The following WDR72 variants were observed in gnomAD, a reference collection of about 807,000 sequenced individuals.
WDR72 encodes WD repeat domain 72, also known as WD repeat-containing protein 72.
A neutral mutation model predicts 124.2 loss-of-function variants in WDR72; 120 were observed. The ratio of observed to expected loss-of-function variants is 0.97; its 90% CI spans 0.83 to 1.12. The LOEUF is 1.12. Among genes scored for constraint, WDR72 ranks in the 50% most tolerant of loss-of-function variants. The probability of loss-of-function intolerance (pLI) is 0.00; values close to 1 mark genes in which losing one functional copy is unlikely to be tolerated. For synonymous variants in WDR72, 452 were observed against 441.7 expected, an observed-to-expected ratio of 1.02 and a Z score of -0.29; for missense variants, 1,387 against 1,278.8, an observed-to-expected ratio of 1.08 and a Z score of -1.29.
intron 14 of WDR72, 69 bp downstream of exon 14, chr15:53,665,503 T>C (rs1390101148): frequency 1.2e-5 from 19 of 1,552,020 alleles, no homozygotes; most frequent in Non-Finnish European, 1.7e-5. Context: ...GCCATGTATT[T>C]ATGAATGCAT....
At chr15:53,638,694 G>A (rs1335132490) in intron 14 of WDR72, among the ~76,000 whole-genome samples, 1 of 149,034 alleles carries the variant, frequency 6.7e-6, no homozygotes, top group African/African-American at 2.5e-5. Context: ...TATTATTTGT[G>A]CTCTGATACG....
intron 1 of WDR72, among the ~76,000 whole-genome samples, chr15:53,743,909 A>G (rs1193974593): frequency 1.3e-5 from 2 of 151,088 alleles, no homozygotes; most frequent in African/African-American, 4.9e-5. Flanking sequence ...CGGGAGGCGG[A>G]GCTTGCAGTG....
At chr15:53,714,632 A>C in intron 5 of WDR72, 122 bp from the exon 6 acceptor site, 2 of 744,420 alleles carry the variant, frequency 2.7e-6, no homozygotes, top group Non-Finnish European at 4.6e-6. Flanking sequence ...TCAGCTTTGG[A>C]GTTACTTTTT....
At chr15:53,636,486 C>A (rs144308985) in intron 14 of WDR72, among the ~76,000 whole-genome samples, 6 of 152,114 alleles carry the variant, frequency 3.9e-5, no homozygotes, top group Admixed American at 1.3e-4. Context: ...CAGATTCTCC[C>A]AATTAGATCT....
At chr15:53,736,564 A>C (rs550373677) in intron 1 of WDR72, among the ~76,000 whole-genome samples, 1 of 152,314 alleles carries the variant, frequency 6.6e-6, no homozygotes. Context: ...ATCAATTTAC[A>C]AGGATGGTCT....
chr15:53,661,501 C>T (rs2015608092), intron 14 of WDR72, among the ~76,000 whole-genome samples: 1 of 152,136 alleles, frequency 6.6e-6, no homozygotes, highest in South Asian at 2.1e-4. Context: ...AAAGACCTCT[C>T]CTTAGGTCCC....
At position 53,538,431 on chromosome 15, in the gene WDR72, G is replaced by A. The variant is rs1025364465; in HGVS notation, c.3149-15109C>T. ...TGAAAGTCTAATGAAGCTCAGCTCC[G>A]TCAATGGCAAACACATTAGTGGAGG... On this transcript the variant is annotated intron_variant, in intron 18 of 19. Coordinates refer to ENST00000360509, the MANE Select transcript of WDR72 (RefSeq NM_182758.4). 1.1e-4 allele frequency among the ~76,000 whole-genome samples: 16 copies of A among 152,254 alleles called. No homozygotes were observed. In the East Asian group the frequency reaches 2.7e-3, roughly 26 times the overall value.
At chr15:53,684,024 A>G (rs910144872) in intron 13 of WDR72, 1 of 152,184 alleles carries the variant, frequency 6.6e-6, no homozygotes, top group Non-Finnish European at 1.5e-5. Flanking sequence ...ATAATAAAGG[A>G]TATCAATTAA....
In WDR72 at chr15:53,529,173, T is replaced by A. The variant is rs1432344711; in HGVS notation, c.3149-5851A>T. 5.3e-4 allele frequency among the ~76,000 whole-genome samples: 73 copies of A among 138,954 alleles called. 1 individual carries two copies. Among genetic ancestry groups the A allele is most frequent in the African/African-American group, 1.7e-3 (59 of 34,766 alleles). The allele number at this position is 138,954 out of a possible 152,430, so 91.2% of individuals were successfully genotyped here. ...ATATATATATATATATATTTTTTTT[T>A]TTTTTTTTAAAAGAATATAAAAAAT... On this transcript the variant is annotated intron_variant, in intron 18 of 19. Transcript: ENST00000360509.
chr15:53,657,197 C>G (rs2015455785), intron 14 of WDR72, among the ~76,000 whole-genome samples: 3 of 121,548 alleles, frequency 2.5e-5, no homozygotes, highest in Admixed American at 2.3e-4. Flanking sequence ...CTGGGAGGCA[C>G]AGACTGCAGT....
chr15:53,692,473 C>T (rs60142928), intron 13 of WDR72, among the ~76,000 whole-genome samples: 3,909 of 152,192 alleles, frequency 0.026, 188 homozygotes, highest in African/African-American at 0.09. Flanking sequence ...CCCTCGCTGC[C>T]ATTAAGAGAT....
intron 2 of WDR72, among the ~76,000 whole-genome samples, chr15:53,728,468 C>T (rs754183035): frequency 6.6e-5 from 10 of 152,176 alleles, no homozygotes; most frequent in Non-Finnish European, 1.0e-4. Flanking sequence ...GTGTTTAAAT[C>T]CCCATTTCAC....
intron 1 of WDR72, among the ~76,000 whole-genome samples, chr15:53,735,294 A>G (rs2018320814): frequency 6.6e-6 from 1 of 152,158 alleles, no homozygotes; most frequent in Non-Finnish European, 1.5e-5. Flanking sequence ...GGGGGGAAAA[A>G]AAAGACCATG....
At chr15:53,754,896 GA>G (rs1373380871) in intron 1 of WDR72, among the ~76,000 whole-genome samples, 1 of 152,134 alleles carries the variant, frequency 6.6e-6, no homozygotes, top group Non-Finnish European at 1.5e-5. Context: ...TTCATTTTAA[GA>G]ATGATTTTCT....
At chr15:53,591,729 C>CACACACAG (rs983782909) in intron 18 of WDR72, among the ~76,000 whole-genome samples, 2 of 151,032 alleles carry the variant, frequency 1.3e-5, no homozygotes, top group African/African-American at 4.9e-5. Context: ...CACACACACA[C>CACACACAG]ATATATACCT....
chr15:53,557,271 G>A (rs1476244875), intron 18 of WDR72, among the ~76,000 whole-genome samples: 3 of 152,074 alleles, frequency 2.0e-5, no homozygotes, highest in Non-Finnish European at 4.4e-5. Context: ...GAAGGGAGCT[G>A]TGTTGTGTTC....
intron 3 of WDR72, among the ~76,000 whole-genome samples, chr15:53,720,781 G>A (rs1266872290): frequency 1.3e-5 from 2 of 152,100 alleles, no homozygotes; most frequent in Non-Finnish European, 2.9e-5. Context: ...TTTAACATCA[G>A]ATCTCCAGTG....
In WDR72 at chr15:53,515,935, A is replaced by C. The variant is rs576208075; in HGVS notation, c.*1764T>G. ...AATTAAAAATGCCTCATTTGAGAGG[A>C]CATACACTTATTTGATATTGCCATC... On this transcript the variant is annotated 3_prime_UTR_variant, in exon 20 of 20. Transcript: ENST00000360509. The C allele has an allele frequency of 1.1e-4, 16 of 152,272 alleles. No individual in the cohort carries two copies. In the East Asian group the frequency reaches 3.1e-3, roughly 29 times the overall value. The allele number at this position is 152,272 out of a possible 1,614,324, so 9.4% of individuals were successfully genotyped here.
intron 18 of WDR72, among the ~76,000 whole-genome samples, chr15:53,566,295 A>G (rs973686234): frequency 6.6e-5 from 10 of 152,128 alleles, no homozygotes; most frequent in African/African-American, 2.2e-4. Context: ...AGCTCAGAGC[A>G]AGTGGTTTTA....
Sources: allele counts gnomAD v4.1 joint callset (sites outside exome capture counted in the v4.1 genomes callset), GRCh38; gene constraint gnomAD v4.1.1; transcripts MANE v1.5; gene names NCBI Gene and HGNC (gene_info 2026-07-23, HGNC 2026-07-21).